PIK3CD: variants seen among roughly 807,000 people sequenced by gnomAD.
The protein encoded by PIK3CD is phosphatidylinositol-4,5-bisphosphate 3-kinase catalytic subunit delta, also known as phosphatidylinositol 4,5-bisphosphate 3-kinase catalytic subunit delta isoform.
A neutral mutation model predicts 122.9 loss-of-function variants in PIK3CD; 20 were observed. That is an observed-to-expected ratio of 0.16 (90% CI 0.11 to 0.24). The LOEUF (loss-of-function observed/expected upper bound fraction) is 0.24. Among genes scored for constraint, PIK3CD ranks in the 10% least tolerant of loss-of-function variants. The pLI, the probability that PIK3CD is intolerant of heterozygous loss-of-function variation, is 1.00. For missense variants in PIK3CD, 787 were observed against 1,406.3 expected, an observed-to-expected ratio of 0.56 and a Z score of 7.04; for synonymous variants, 596 against 593.4, an observed-to-expected ratio of 1.00 and a Z score of -0.06.
chr1:9,707,379 T>C (rs1646878956), intron 2 of PIK3CD, among the ~76,000 whole-genome samples: 1 of 151,960 alleles, frequency 6.6e-6, no homozygotes, highest in Non-Finnish European at 1.5e-5. Flanking sequence ...TTAACTTTTA[T>C]TTTAAGTTCA....
intron 1 of PIK3CD, among the ~76,000 whole-genome samples, chr1:9,657,768 G>A (rs1240918294): frequency 6.6e-6 from 1 of 152,104 alleles, no homozygotes; most frequent in African/African-American, 2.4e-5. Context: ...TTCATCTGTT[G>A]GGCAGAGGTG....
intron 2 of PIK3CD, among the ~76,000 whole-genome samples, chr1:9,709,221 G>C (rs984887493): frequency 6.6e-6 from 1 of 151,764 alleles, no homozygotes; most frequent in Non-Finnish European, 1.5e-5. Flanking sequence ...GTAGAGACAG[G>C]GTTTCATCTA....
At chr1:9,690,329 CTCCTTCTCT>C (rs1437849071) in intron 1 of PIK3CD, among the ~76,000 whole-genome samples, 16 of 152,336 alleles carry the variant, frequency 1.1e-4, no homozygotes, top group Non-Finnish European at 1.0e-4. Context: ...GATGAATTCT[CTCCTTCTCT>C]TCCTTCTCGG....
intron 2 of PIK3CD, among the ~76,000 whole-genome samples, chr1:9,703,025 C>A (rs1012027774): frequency 6.6e-6 from 1 of 152,190 alleles, no homozygotes; most frequent in Non-Finnish European, 1.5e-5. Flanking sequence ...CAAAGTTCGT[C>A]CTCAGGACCC....
chr1:9,682,000 T>A lies in PIK3CD; in HGVS notation c.-137-9467T>A, dbSNP rs543627721. On this transcript the variant is annotated intron_variant, in intron 1 of 23. Coordinates refer to ENST00000377346, the MANE Select transcript of PIK3CD (RefSeq NM_005026.5). Reference sequence around the variant, plus strand: ...AGTTCTCTGTGATGAAATCTCAGCTTTTCCCAACTGCAGCTTCAACCTCCT... The same window carrying A: ...AGTTCTCTGTGATGAAATCTCAGCTATTCCCAACTGCAGCTTCAACCTCCT... Among the ~76,000 whole-genome samples, 5 of 152,246 alleles carry A rather than the reference T, an allele frequency of 3.3e-5. No individual in the cohort carries two copies. The South Asian group carries it at 1.0e-3, about 32-fold the overall frequency.
At chr1:9,661,989 C>A (rs1645023459) in intron 1 of PIK3CD, among the ~76,000 whole-genome samples, 1 of 151,420 alleles carries the variant, frequency 6.6e-6, no homozygotes, top group African/African-American at 2.4e-5. Context: ...GAGTGAGACT[C>A]TGTCTCAAAA....
rs531503130 is a variant in PIK3CD, at chr1:9,700,102, T to C, written c.-33+8531T>C. On this transcript the variant is annotated intron_variant, in intron 2 of 23. Transcript: ENST00000377346. This position sits in a 1 kb window ranked among gnomAD's most constrained non-coding sequence, Gnocchi z 5.1. ...GAAGCATCTTGTTTATCTATTTGTT[T>C]TCTTTTTAACTTTGTATTTAATTTT... Among the ~76,000 whole-genome samples the C allele has an allele frequency of 6.6e-5, 10 of 152,330 alleles. No individual in the cohort carries two copies. The highest frequency in any genetic ancestry group is 2.4e-4 in the African/African-American group (10 of 41,578).
At chr1:9,713,961 C>A (rs534460815) in intron 3 of PIK3CD, among the ~76,000 whole-genome samples, 1 of 149,952 alleles carries the variant, frequency 6.7e-6, no homozygotes, top group African/African-American at 2.5e-5. Context: ...CAAATGATTC[C>A]CCCATCTCAG....
chr1:9,654,502 G>A (rs1029166895), intron 1 of PIK3CD: 3 of 537,244 alleles, frequency 5.6e-6, no homozygotes, highest in East Asian at 1.5e-4. Context: ...GCCCGCTTTC[G>A]CACAACTGTC....
Position 9,716,062 on chromosome 1 carries a change from A to C in PIK3CD, c.584A>C (p.Lys195Thr). The change falls in exon 5 of 24, where the codon AAG becomes ACG. Residue 195 changes from lysine (K) to threonine (T), a missense_variant. Around this residue, in one of 6 missense-constraint regions of PIK3CD, gnomAD observed 592 missense variants for 920.6 expected, o/e 0.64. Transcript: ENST00000377346. Reference protein sequence around the residue: ...LPNRALLVNVKFEGSEESFTF... With the variant: ...LPNRALLVNVTFEGSEESFTF... ...AACCGGGCCCTTCTGGTCAACGTTAAGTTTGAGGGCAGCGAGGTGAGCCCA... is the reference window on the plus strand; with the variant it reads ...AACCGGGCCCTTCTGGTCAACGTTACGTTTGAGGGCAGCGAGGTGAGCCCA... The C allele has an allele frequency of 6.2e-7, 1 of 1,612,438 alleles. No individual in the cohort carries two copies.
chr1:9,646,165 T>C, the PIK3CD span, among the ~76,000 whole-genome samples: 7 of 152,274 alleles, frequency 4.6e-5, no homozygotes, highest in Non-Finnish European at 1.0e-4. Context: ...TAGATATTTA[T>C]AGACTGTGTG....
In PIK3CD at chr1:9,711,139, G is replaced by A. The variant is rs528862519; in HGVS notation, c.141+543G>A. On this transcript the variant is annotated intron_variant, in intron 3 of 23. Coordinates refer to ENST00000377346, the MANE Select transcript of PIK3CD (RefSeq NM_005026.5). ...GAGACAATCTCGCTCTGTCACCTAG[G>A]CTGGAGTGCAGTGGCATGATCTCAG... Among the ~76,000 whole-genome samples, 6 of 152,148 alleles carry A rather than the reference G, an allele frequency of 3.9e-5. No homozygotes were observed. The South Asian group carries it at 1.2e-3, about 32-fold the overall frequency.
In PIK3CD at chr1:9,689,105, T is replaced by C. The variant is rs1312550911; in HGVS notation, c.-137-2362T>C. On this transcript the variant is annotated intron_variant, in intron 1 of 23. Coordinates refer to ENST00000377346, the MANE Select transcript of PIK3CD (RefSeq NM_005026.5). This position sits in a 1 kb window ranked among gnomAD's most constrained non-coding sequence, Gnocchi z 6.1. ...CTCCGGCTCTGTGACCTGGGTCCAG[T>C]ACCCCGCCCTTTCTGCGGATGCCTT... Among the ~76,000 whole-genome samples the C allele has an allele frequency of 6.6e-6, 1 of 152,232 alleles. No homozygotes were observed. Among genetic ancestry groups the C allele is most frequent in the Non-Finnish European group, 1.5e-5 (1 of 68,032 alleles).
At chr1:9,693,294 A>G (rs556310996) in intron 2 of PIK3CD, among the ~76,000 whole-genome samples, 2 of 152,180 alleles carry the variant, frequency 1.3e-5, no homozygotes, top group African/African-American at 4.8e-5. Flanking sequence ...ATGCAATCTC[A>G]GCTCACTGCC....
chr1:9,696,355 G>A (rs921090273), intron 2 of PIK3CD, among the ~76,000 whole-genome samples: 4 of 152,096 alleles, frequency 2.6e-5, no homozygotes, highest in Non-Finnish European at 5.9e-5. Context: ...TGGAGCCCAA[G>A]GCAGGAGGAT....
At chr1:9,668,773 C>A (rs1035807643) in intron 1 of PIK3CD, among the ~76,000 whole-genome samples, 2 of 152,192 alleles carry the variant, frequency 1.3e-5, no homozygotes, top group Non-Finnish European at 2.9e-5. Context: ...CAACCTCTTT[C>A]TGTCCAAATA....
chr1:9,711,874 T>C (rs926353873), intron 3 of PIK3CD, among the ~76,000 whole-genome samples: 1 of 152,192 alleles, frequency 6.6e-6, no homozygotes, highest in Admixed American at 6.5e-5. Context: ...TCTTTAAAGC[T>C]GTTGCCATAG....
intron 3 of PIK3CD, among the ~76,000 whole-genome samples, chr1:9,714,378 C>T (rs1647182535): frequency 6.6e-6 from 1 of 152,128 alleles, no homozygotes; most frequent in Admixed American, 6.5e-5. Context: ...AGGAGCAGCC[C>T]TGAGTGATAT....
intron 2 of PIK3CD, chr1:9,692,061 T>G (rs771306301): frequency 6.6e-6 from 1 of 152,286 alleles, no homozygotes; most frequent in Non-Finnish European, 1.5e-5. Flanking sequence ...TCTTCAGAGT[T>G]TCTAGGACAT....
Sources: allele counts gnomAD v4.1 joint callset (sites outside exome capture counted in the v4.1 genomes callset), GRCh38; gene constraint gnomAD v4.1.1; regional missense constraint gnomAD v4.1.1; non-coding constraint Gnocchi (gnomAD v3.1); transcripts MANE v1.5; gene names NCBI Gene and HGNC (gene_info 2026-07-23, HGNC 2026-07-21).